Variants in DNAAF1 observed in about 807,000 individuals in gnomAD.
The protein encoded by DNAAF1 is dynein axonemal assembly factor 1, also known as dynein assembly factor 1, axonemal.
Under a neutral mutation model 71.1 loss-of-function variants are expected in DNAAF1, and 65 were observed. The observed-to-expected ratio is 0.91, with a 90% CI of 0.75 to 1.12. The LOEUF (loss-of-function observed/expected upper bound fraction) is 1.12, where lower values mean the gene tolerates loss of function less well. Among genes scored for constraint, DNAAF1 ranks in the 50% most tolerant of loss-of-function variants. The pLI, the probability that DNAAF1 is intolerant of heterozygous loss-of-function variation, is 0.00. For missense variants in DNAAF1, 1,178 were observed against 899.8 expected (o/e 1.31, Z -3.96); for synonymous variants, 414 against 354.6 (o/e 1.17, Z -1.88).
At chr16:84,157,682 C>G (rs1418522716) in intron 5 of DNAAF1, among the ~76,000 whole-genome samples, 1 of 151,998 alleles carries the variant, frequency 6.6e-6, no homozygotes, top group Non-Finnish European at 1.5e-5. Context: ...ACACAAAAAC[C>G]TTGAGTTTAT....
intron 6 of DNAAF1, among the ~76,000 whole-genome samples, chr16:84,164,826 C>T (rs8056643): frequency 0.48 from 73,730 of 152,032 alleles, 17,878 homozygotes; most frequent in South Asian, 0.57. Context: ...TTTTTAGTCC[C>T]GTAAGAATCC....
Position 84,154,645 on chromosome 16 carries a change from A to T in DNAAF1, c.421A>T (p.Ile141Leu). The change falls in exon 4 of 12, where the codon ATA becomes TTA. Residue 141 changes from isoleucine (I) to leucine (L), a missense_variant. Ile to Leu is a conservative substitution (Grantham distance 5). Coordinates refer to ENST00000378553, the MANE Select transcript of DNAAF1 (RefSeq NM_178452.6). ...CTGTCTCTGGCTGCAGAGCAATGGAATACAGAAAATCGAAAACCTGGAGGC... is the reference window on the plus strand; with the variant it reads ...CTGTCTCTGGCTGCAGAGCAATGGATTACAGAAAATCGAAAACCTGGAGGC... ...LRCLWLQSNG[I>L]QKIENLEAQT... The T allele has an allele frequency of 6.2e-7, 1 of 1,614,178 alleles. No homozygotes were observed. The highest frequency in any genetic ancestry group is 8.5e-7 in the Non-Finnish European group (1 of 1,180,032).
In DNAAF1 at chr16:84,167,691, A is replaced by G. The variant is rs553241263; in HGVS notation, c.1030+1742A>G. Among the ~76,000 whole-genome samples the G allele has an allele frequency of 5.9e-5, 9 of 152,304 alleles. No homozygotes were observed. In the East Asian group the frequency reaches 1.7e-3, roughly 29 times the overall value. On this transcript the variant is annotated intron_variant, in intron 7 of 11. Transcript: ENST00000378553. ...TATCTTGTAATTTCACAGCTGCCAC[A>G]ACAAATTACCACAAAATTAGTGGCT... is the stretch of plus-strand genomic sequence containing the variant.
At position 84,170,242 on chromosome 16, in the gene DNAAF1, A is replaced by C. The variant is rs2151266806; in HGVS notation, c.1414A>C (p.Thr472Pro). 1 of 1,607,324 alleles carries C rather than the reference A, an allele frequency of 6.2e-7. No homozygotes were observed. Among genetic ancestry groups the C allele is most frequent in the Non-Finnish European group, 8.5e-7 (1 of 1,177,592 alleles). Reference sequence around the variant, plus strand: ...GCCAGAGGGGACCCTCCCAGCTGAGACCCTGCTACTGTCACCGCCTGTGAA... The same window carrying C: ...GCCAGAGGGGACCCTCCCAGCTGAGCCCCTGCTACTGTCACCGCCTGTGAA... ...QEPEGTLPAE[T>P]LLLSPPVKVK... The change falls in exon 8 of 12, where the codon ACC (threonine) becomes CCC (proline). Residue 472 changes from threonine to proline, a missense_variant. Transcript: ENST00000378553.
chr16:84,166,970 G>A (rs57375211), intron 7 of DNAAF1, among the ~76,000 whole-genome samples: 21,003 of 152,082 alleles, frequency 0.14, 1,498 homozygotes, highest in South Asian at 0.28. Context: ...CGGCTGTCCT[G>A]CAATTCATTT....
intron 5 of DNAAF1, among the ~76,000 whole-genome samples, chr16:84,157,465 G>A (rs543685133): frequency 8.4e-5 from 12 of 143,502 alleles, no homozygotes; most frequent in Admixed American, 2.1e-4. Flanking sequence ...ATTGCAGTGA[G>A]CCGAGATCTC....
chr16:84,168,497 C>T (rs1023014472), intron 7 of DNAAF1, among the ~76,000 whole-genome samples: 3 of 152,116 alleles, frequency 2.0e-5, no homozygotes, highest in African/African-American at 7.2e-5. Context: ...AAGCTGGTCT[C>T]GAACTCCTGG....
chr16:84,174,746 T>TC, intron 10 of DNAAF1, 24 bp downstream of exon 10: 1 of 1,614,144 alleles, frequency 6.2e-7, no homozygotes, highest in African/African-American at 1.3e-5. Context: ...GAAACCATTT[T>TC]CCCACAGGCA....
chr16:84,177,796 G>C lies in DNAAF1; in HGVS notation c.2133G>C (p.Leu711=). 6.2e-7 allele frequency: 1 copy of C among 1,614,050 alleles called. No individual in the cohort carries two copies. The highest frequency in any genetic ancestry group is 8.5e-7 in the Non-Finnish European group (1 of 1,179,986). ...CVGVAQPSQA[L]PTWDLTAFPA... is the part of the protein sequence containing the mutation. ...GAGTTGCCCAGCCCAGCCAAGCTCTGCCCACGTGGGACCTCACTGCATTCC... is the reference window on the plus strand; with the variant it reads ...GAGTTGCCCAGCCCAGCCAAGCTCTCCCCACGTGGGACCTCACTGCATTCC... The change falls in exon 12 of 12, where the codon CTG becomes CTC. Residue 711 remains leucine (L), a synonymous_variant. Coordinates refer to ENST00000378553, the MANE Select transcript of DNAAF1 (RefSeq NM_178452.6).
intron 7 of DNAAF1, among the ~76,000 whole-genome samples, chr16:84,167,257 CTG>C (rs2088062520): frequency 6.6e-6 from 1 of 152,138 alleles, no homozygotes; most frequent in Non-Finnish European, 1.5e-5. Context: ...AGGGAAGGGT[CTG>C]TGGGAAGGGG....
intron 2 of DNAAF1, 107 bp downstream of exon 2, chr16:84,149,249 C>G: frequency 1.4e-6 from 2 of 1,419,922 alleles, no homozygotes; most frequent in Non-Finnish European, 2.0e-6. Flanking sequence ...ATTGAATTGC[C>G]TGCCCAATGT....
At position 84,150,340 on chromosome 16, in the gene DNAAF1, A is replaced by G; in HGVS notation, c.350A>G (p.Lys117Arg). The change falls in exon 3 of 12, where the codon AAA (lysine) becomes AGA (arginine). Residue 117 changes from lysine (K) to arginine (R), a missense_variant and splice_region_variant. Physicochemically the swap from Lys to Arg is conservative, Grantham distance 26. Transcript: ENST00000378553. Reference sequence around the variant, plus strand: ...AATGATACGCTGTATTTACACTTTAAAGGTAAGGACCTAAGAGAGGAAGTG... The same window carrying G: ...AATGATACGCTGTATTTACACTTTAGAGGTAAGGACCTAAGAGAGGAAGTG... Reference protein sequence around the residue: ...ALNDTLYLHFKGFDRIENLEE... With the variant: ...ALNDTLYLHFRGFDRIENLEE... 1 of 1,608,000 alleles carries G rather than the reference A, an allele frequency of 6.2e-7. No homozygotes were observed. The highest frequency in any genetic ancestry group is 8.5e-7 in the Non-Finnish European group (1 of 1,174,414).
Position 84,172,303 on chromosome 16 carries a change from A to T in DNAAF1, c.1572A>T (p.Thr524=). ...TGGCCACTGAGGGTGTATTCGTTAC[A>T]GAACTTGATGGAACGAGAACGGAAG... ...QAVATEGVFV[T]ELDGTRTEDL... The change falls in exon 9 of 12, where the codon ACA becomes ACT. Residue 524 remains threonine, a synonymous_variant. Transcript: ENST00000378553. The T allele has an allele frequency of 6.2e-7, 1 of 1,614,248 alleles. No homozygotes were observed.
At chr16:84,161,025 G>T (rs896120537) in intron 6 of DNAAF1, among the ~76,000 whole-genome samples, 43 of 152,158 alleles carry the variant, frequency 2.8e-4, no homozygotes, top group African/African-American at 1.0e-3. Flanking sequence ...AGGTCTGGGG[G>T]TGGTAAGGAC....
At chr16:84,156,851 CTTTTT>C (rs778916785) in intron 5 of DNAAF1, among the ~76,000 whole-genome samples, 1 of 111,804 alleles carries the variant, frequency 8.9e-6, no homozygotes, top group Non-Finnish European at 1.8e-5. Flanking sequence ...TTCTTTCTTT[CTTTTT>C]TTTTTTTTTT....
intron 1 of DNAAF1, among the ~76,000 whole-genome samples, chr16:84,145,821 G>A (rs1284623180): frequency 1.3e-5 from 2 of 152,176 alleles, no homozygotes; most frequent in African/African-American, 4.8e-5. Context: ...GGCCGGGTGC[G>A]GTGGCTCAAC....
chr16:84,175,806 C>T (rs753246805), intron 10 of DNAAF1, 127 bp from the exon 11 acceptor site: 7 of 1,235,358 alleles, frequency 5.7e-6, no homozygotes, highest in Admixed American at 1.7e-5. Context: ...TTCCCTTGGG[C>T]CTTTCTTGGA....
At position 84,154,773 on chromosome 16, in the gene DNAAF1, T is replaced by C; in HGVS notation, c.549T>C (p.Asn183=). The change falls in exon 4 of 12, where the codon AAT becomes AAC. Residue 183 remains asparagine (N), a synonymous_variant. Coordinates refer to ENST00000378553, the MANE Select transcript of DNAAF1 (RefSeq NM_178452.6). The stretch of plus-strand genomic sequence containing the variant: ...TGGATGCTCTTAACCTCAGCAACAA[T>C]TACATCAAGACCATTGAAAACCTCT... ...QKLDALNLSN[N]YIKTIENLSC... The C allele has an allele frequency of 6.2e-7, 1 of 1,614,066 alleles. No homozygotes were observed. Among genetic ancestry groups the C allele is most frequent in the Non-Finnish European group, 8.5e-7 (1 of 1,179,956 alleles).
intron 1 of DNAAF1, among the ~76,000 whole-genome samples, chr16:84,146,033 G>A (rs1238068779): frequency 6.6e-6 from 1 of 152,068 alleles, no homozygotes; most frequent in East Asian, 1.9e-4. Flanking sequence ...GGAGGCGGAG[G>A]TTGCAGTGAG....
Sources: gnomAD v4.1 joint callset for allele counts (sites outside exome capture counted in the v4.1 genomes callset) on GRCh38, gnomAD v4.1.1 for gene constraint, MANE v1.5 for transcripts, NCBI Gene and HGNC (gene_info 2026-07-23, HGNC 2026-07-21) for gene names.